Variants in OR10A2 observed in about 807,000 individuals in gnomAD.
OR10A2 encodes olfactory receptor family 10 subfamily A member 2.
A neutral mutation model predicts 13.7 loss-of-function variants in OR10A2; 15 were observed. That is an observed-to-expected ratio of 1.10 (90% CI 0.73 to 1.69). OR10A2 has a LOEUF of 1.69. Ranked by LOEUF, OR10A2 falls within the 40% of genes most tolerant of loss-of-function variation. The probability of loss-of-function intolerance (pLI) is 0.00; values close to 1 mark genes in which losing one functional copy is unlikely to be tolerated. For synonymous variants in OR10A2, 145 were observed against 144.7 expected (o/e 1.00, Z -0.02); for missense variants, 343 against 361.1 (o/e 0.95, Z 0.41).
In OR10A2 at chr11:6,870,037, G is replaced by C. The variant is rs1405492933; in HGVS notation, c.283G>C (p.Gly95Arg). The change falls in exon 2 of 2, where the codon GGA (glycine) becomes CGA (arginine). Residue 95 changes from glycine (G) to arginine (R), a missense_variant. By Grantham distance (125) the Gly-to-Arg change is moderately radical. Transcript: ENST00000641461. ...TCAGATGTATTTCTTCTTCTTCTTT[G>C]GAGTGGCTGAATGCTTCCTCCTGGC... ...ATQMYFFFFF[G>R]VAECFLLATM... 7 of 1,614,148 alleles carry C rather than the reference G, an allele frequency of 4.3e-6. No individual in the cohort carries two copies. Among genetic ancestry groups the C allele is most frequent in the Non-Finnish European group, 5.9e-6 (7 of 1,180,026 alleles).
chr11:6,869,202 C>A (rs760520923), intron 1 of OR10A2, among the ~76,000 whole-genome samples: 2 of 152,192 alleles, frequency 1.3e-5, no homozygotes, highest in Non-Finnish European at 2.9e-5. Flanking sequence ...TACATGCTAA[C>A]CTTTCACCCT....
At position 6,869,966 on chromosome 11, in the gene OR10A2, C is replaced by A. The variant is rs1456920500; in HGVS notation, c.212C>A (p.Thr71Asn). 1 of 1,614,132 alleles carries A rather than the reference C, an allele frequency of 6.2e-7. No homozygotes were observed. The highest frequency in any genetic ancestry group is 1.1e-5 in the South Asian group (1 of 91,068). The change falls in exon 2 of 2, where the codon ACC becomes AAC. Residue 71 changes from threonine (T) to asparagine (N), a missense_variant. Thr to Asn is a moderately conservative substitution (Grantham distance 65, BLOSUM62 0). Coordinates refer to ENST00000641461, the MANE Select transcript of OR10A2 (RefSeq NM_001004460.2). ...NLVIVPKMLG[T>N]LLAQDTTISF... Reference sequence around the variant, plus strand: ...GTCATTGTGCCCAAAATGCTGGGGACCCTGCTTGCCCAGGACACAACCATC... The same window carrying A: ...GTCATTGTGCCCAAAATGCTGGGGAACCTGCTTGCCCAGGACACAACCATC...
chr11:6,863,384 T>TTTTTTTGAGACGGAGTCTCGCTCTGTCGC (rs1157884515), intron 1 of OR10A2, 33 bp downstream of exon 1: 1 of 52,476 alleles, frequency 1.9e-5, no homozygotes, highest in Non-Finnish European at 5.1e-5. Context: ...TTTTTTTTTT[T>TTTTTTTGAGACGGAGTCTCGCTCTGTCGC]CCACCAAGGA....
At chr11:6,869,011 A>C (rs566178604) in intron 1 of OR10A2, among the ~76,000 whole-genome samples, 1 of 152,370 alleles carries the variant, frequency 6.6e-6, no homozygotes, top group South Asian at 2.1e-4. Context: ...CAGATAAGGC[A>C]TGACAGTCCA....
At chr11:6,869,506 C>G (rs981025646) in intron 1 of OR10A2, 117 bp from the exon 2 acceptor site, 1 of 520,748 alleles carries the variant, frequency 1.9e-6, no homozygotes, top group Admixed American at 3.3e-5. Flanking sequence ...CCTCTAGAAG[C>G]TGATTCAGGC....
intron 1 of OR10A2, among the ~76,000 whole-genome samples, chr11:6,866,061 T>G (rs74719064): frequency 6.6e-6 from 1 of 152,230 alleles, no homozygotes; most frequent in Non-Finnish European, 1.5e-5. Context: ...AATTCATTCA[T>G]GTTATTGCAT....
intron 1 of OR10A2, among the ~76,000 whole-genome samples, chr11:6,865,324 G>A (rs1848371344): frequency 6.6e-6 from 1 of 151,294 alleles, no homozygotes; most frequent in African/African-American, 2.4e-5. Context: ...AATTGTAAAT[G>A]TATCACAAGT....
Position 6,870,578 on chromosome 11 carries a change from T to A in OR10A2, c.824T>A (p.Ile275Asn). ...GTTATGACTCCCATGTTGAACCCCA[T>A]TATCTACAGCCTGAGAAATAACGAG... ...YTVMTPMLNP[I>N]IYSLRNNEVK... Residue 275 changes from isoleucine to asparagine, a missense_variant, in exon 2 of 2, where the codon ATT (isoleucine) becomes AAT (asparagine). Transcript: ENST00000641461. 11 of 1,614,088 alleles carry A rather than the reference T, an allele frequency of 6.8e-6. No homozygotes were observed. Among genetic ancestry groups the A allele is most frequent in the Non-Finnish European group, 9.3e-6 (11 of 1,179,944 alleles).
At chr11:6,863,496 A>G (rs1366328345) in intron 1 of OR10A2, 145 bp downstream of exon 1, 1 of 150,418 alleles carries the variant, frequency 6.6e-6, no homozygotes, top group Admixed American at 6.7e-5. Context: ...ACACTGGGAG[A>G]TCTCATCAGT....
intron 1 of OR10A2, among the ~76,000 whole-genome samples, chr11:6,868,450 A>G (rs1464460255): frequency 6.6e-6 from 1 of 152,134 alleles, no homozygotes; most frequent in East Asian, 1.9e-4. Flanking sequence ...TTCTATCAAC[A>G]ATGTCAGAGT....
intron 1 of OR10A2, among the ~76,000 whole-genome samples, chr11:6,868,962 G>A (rs1240928557): frequency 6.6e-6 from 1 of 152,192 alleles, no homozygotes; most frequent in East Asian, 1.9e-4. Flanking sequence ...TTGCAGAAAT[G>A]CCAATTCTAA....
At position 6,870,658 on chromosome 11, in the gene OR10A2, A is replaced by G. The variant is rs374564840; in HGVS notation, c.904A>G (p.Ile302Val). 1.6e-5 allele frequency: 26 copies of G among 1,576,240 alleles called. No individual in the cohort carries two copies. In the African/African-American group the frequency reaches 3.5e-4, roughly 21 times the overall value. ...VSKALALRNC[I>V]P ...TAAGGCCCTAGCCCTCAGAAACTGTATCCCATAGACCTTAGGAAGTAAGGC... is the reference window on the plus strand; with the variant it reads ...TAAGGCCCTAGCCCTCAGAAACTGTGTCCCATAGACCTTAGGAAGTAAGGC... Residue 302 changes from isoleucine to valine, a missense_variant, in exon 2 of 2, where the codon ATC (isoleucine) becomes GTC (valine). Ile to Val is a conservative substitution (Grantham distance 29). Transcript: ENST00000641461.
intron 1 of OR10A2, among the ~76,000 whole-genome samples, chr11:6,868,487 T>C (rs1848397472): frequency 6.6e-6 from 1 of 152,194 alleles, no homozygotes; most frequent in South Asian, 2.1e-4. Context: ...ATTATGACAA[T>C]GTCACTCTGC....
rs776192217 is a variant in OR10A2 at position 6,870,461 on chromosome 11, C to T, written c.707C>T (p.Ser236Phe). ...TGTTCCTCACACCTCCTTGTTGTCT[C>T]TCTTTTCTATATATCATTAAGCCTC... ...STCSSHLLVVSLFYISLSLTY... is the reference protein window; with the variant it reads ...STCSSHLLVVFLFYISLSLTY... Residue 236 changes from serine (S) to phenylalanine (F), a missense_variant, in exon 2 of 2, where the codon TCT (serine) becomes TTT (phenylalanine). Physicochemically the swap from Ser to Phe is radical, Grantham distance 155. Coordinates refer to ENST00000641461, the MANE Select transcript of OR10A2 (RefSeq NM_001004460.2). 1.2e-5 allele frequency: 20 copies of T among 1,614,182 alleles called. No individual in the cohort carries two copies. The highest frequency in any genetic ancestry group is 1.6e-5 in the Non-Finnish European group (19 of 1,180,012).
At chr11:6,866,694 G>A (rs919521540) in intron 1 of OR10A2, among the ~76,000 whole-genome samples, 1 of 151,646 alleles carries the variant, frequency 6.6e-6, no homozygotes, top group Non-Finnish European at 1.5e-5. Flanking sequence ...TTTATAGGGG[G>A]TATTTTTGTT....
At position 6,873,515 on chromosome 11, in the gene OR10A2, T is replaced by TC. The variant is rs1229034034; in HGVS notation, c.*2850dup. 1 of 152,226 alleles carries TC rather than the reference T, an allele frequency of 6.6e-6. No homozygotes were observed. The highest frequency in any genetic ancestry group is 1.5e-5 in the Non-Finnish European group (1 of 68,062). The allele number at this position is 152,226 out of a possible 1,614,324, so 9.4% of individuals were successfully genotyped here. ...CCTAAAGAAAAAGTTGTACATAGTTTCAGGGAAAGGATTCCAACAGAAGAG... is the reference window on the plus strand; with the variant it reads ...CCTAAAGAAAAAGTTGTACATAGTTTCCAGGGAAAGGATTCCAACAGAAGAG... On this transcript the variant is annotated 3_prime_UTR_variant, in exon 2 of 2. Coordinates refer to ENST00000641461, the MANE Select transcript of OR10A2 (RefSeq NM_001004460.2).
chr11:6,867,617 G>C (rs952018876), intron 1 of OR10A2, among the ~76,000 whole-genome samples: 1 of 152,094 alleles, frequency 6.6e-6, no homozygotes, highest in Non-Finnish European at 1.5e-5. Flanking sequence ...GGAAACAATT[G>C]ATTTGATATC....
intron 1 of OR10A2, among the ~76,000 whole-genome samples, chr11:6,868,831 C>T (rs1193370018): frequency 6.6e-6 from 1 of 152,152 alleles, no homozygotes; most frequent in Non-Finnish European, 1.5e-5. Flanking sequence ...AGATAACCAA[C>T]TGCAAATTAG....
chr11:6,871,864 T>C lies in OR10A2; in HGVS notation c.*1198T>C, dbSNP rs1848438443. The C allele has an allele frequency of 6.6e-6, 1 of 152,198 alleles. No individual in the cohort carries two copies. The allele number at this position is 152,198 out of a possible 1,614,324, so 9.4% of individuals were successfully genotyped here. A position where few individuals can be genotyped will look rare whatever the true frequency, so the allele number is the denominator to read the frequency against. ...ATATCTGTTTTTATATTTTTGCTAGTGTACCTGACAAATAGAAATCTAGAA... is the reference window on the plus strand; with the variant it reads ...ATATCTGTTTTTATATTTTTGCTAGCGTACCTGACAAATAGAAATCTAGAA... On this transcript the variant is annotated 3_prime_UTR_variant, in exon 2 of 2. Coordinates refer to ENST00000641461, the MANE Select transcript of OR10A2 (RefSeq NM_001004460.2).
Sources: gnomAD v4.1 joint callset for allele counts (sites outside exome capture counted in the v4.1 genomes callset) on GRCh38, gnomAD v4.1.1 for gene constraint, MANE v1.5 for transcripts, NCBI Gene and HGNC (gene_info 2026-07-23, HGNC 2026-07-21) for gene names.